Variants in ANO5 observed in about 807,000 individuals in gnomAD.
The protein encoded by ANO5 is anoctamin-5.
In ANO5, 109 loss-of-function variants were observed where a neutral mutation model predicts 121.0. That is an observed-to-expected ratio of 0.90 (90% CI 0.77 to 1.06). ANO5 has a LOEUF of 1.06. Among genes scored for constraint, ANO5 ranks in the 50% least tolerant of loss-of-function variants. The pLI is 0.00. For missense variants in ANO5, 1,064 were observed against 1,078.5 expected, an observed-to-expected ratio of 0.99 and a Z score of 0.19; for synonymous variants, 406 against 359.9, an observed-to-expected ratio of 1.13 and a Z score of -1.45.
intron 7 of ANO5, among the ~76,000 whole-genome samples, chr11:22,229,128 C>T (rs376187879): frequency 2.0e-5 from 3 of 151,914 alleles, no homozygotes; most frequent in East Asian, 3.9e-4. Flanking sequence ...TCTCCACCTT[C>T]TCTCCATGTC....
chr11:22,273,694 A>G (rs1419876568), intron 19 of ANO5, among the ~76,000 whole-genome samples: 3 of 152,168 alleles, frequency 2.0e-5, no homozygotes, highest in African/African-American at 7.2e-5. Context: ...GTAATCAGAA[A>G]TAATCAAATT....
intron 13 of ANO5, among the ~76,000 whole-genome samples, chr11:22,257,259 T>C (rs1854033342): frequency 6.6e-6 from 1 of 152,176 alleles, no homozygotes; most frequent in African/African-American, 2.4e-5. Context: ...ACAGTTTATC[T>C]GAAAAATATA....
intron 2 of ANO5, among the ~76,000 whole-genome samples, chr11:22,208,047 C>A (rs1284838311): frequency 6.6e-6 from 1 of 151,932 alleles, no homozygotes; most frequent in Non-Finnish European, 1.5e-5. Context: ...AGTTAGGATG[C>A]AGAGAAACTA....
chr11:22,264,785 A>T (rs1374772525), intron 17 of ANO5, among the ~76,000 whole-genome samples: 1 of 152,210 alleles, frequency 6.6e-6, no homozygotes. Context: ...GCAATTACAC[A>T]TAAGTGAAAA....
In ANO5 at chr11:22,211,248, C is replaced by A. The variant is rs745357713; in HGVS notation, c.88-16C>A. ...ACTATTAATAATAGCATTATATCTT[C>A]CCCTGGTACTGTTAGCAGAGCCTGA... On this transcript the variant is annotated splice_polypyrimidine_tract_variant and intron_variant, in intron 2 of 21. Transcript: ENST00000324559. 5 of 1,611,244 alleles carry A rather than the reference C, an allele frequency of 3.1e-6. No homozygotes were observed. Among genetic ancestry groups the A allele is most frequent in the Non-Finnish European group, 3.4e-6 (4 of 1,178,028 alleles).
At chr11:22,277,263 T>C (rs1314126281) in intron 21 of ANO5, among the ~76,000 whole-genome samples, 2 of 151,668 alleles carry the variant, frequency 1.3e-5, no homozygotes, top group African/African-American at 4.8e-5. Context: ...ATTTTTTTGG[T>C]CTCATTCTGA....
intron 17 of ANO5, among the ~76,000 whole-genome samples, chr11:22,266,999 G>T (rs1370222851): frequency 1.3e-5 from 2 of 152,140 alleles, no homozygotes; most frequent in African/African-American, 4.8e-5. Context: ...TAATGTGGTA[G>T]AATTTATCAA....
chr11:22,221,585 A>G (rs1218923724), intron 5 of ANO5, among the ~76,000 whole-genome samples: 1 of 151,872 alleles, frequency 6.6e-6, no homozygotes, highest in Non-Finnish European at 1.5e-5. Flanking sequence ...TATAGCTTTT[A>G]TATTGTACTC....
At chr11:22,205,255 T>C (rs189472193) in intron 2 of ANO5, among the ~76,000 whole-genome samples, 1 of 152,126 alleles carries the variant, frequency 6.6e-6, no homozygotes, top group East Asian at 1.9e-4. Context: ...GTATTAGGCT[T>C]AATACCTGGA....
In ANO5 at chr11:22,259,372, GGAAA is replaced by G. The variant is rs1854110389; in HGVS notation, c.1408-144_1408-141del. The G allele has an allele frequency of 1.1e-5, 9 of 809,056 alleles. No individual in the cohort carries two copies. In the East Asian group the frequency reaches 2.1e-4, roughly 19 times the overall value. The allele number at this position is 809,056 out of a possible 1,614,324, so 50.1% of individuals were successfully genotyped here. Reference sequence around the variant, plus strand: ...CCAGTGTTCATGTCTTGCCATCTAGGGAAAGAGAGACTGACTTAGTTTGCTTTGC... The same window carrying G: ...CCAGTGTTCATGTCTTGCCATCTAGGGAGAGACTGACTTAGTTTGCTTTGC... On this transcript the variant is annotated intron_variant, in intron 14 of 21. Coordinates refer to ENST00000324559, the MANE Select transcript of ANO5 (RefSeq NM_213599.3).
chr11:22,260,518 T>G (rs12574432), intron 15 of ANO5, among the ~76,000 whole-genome samples: 1 of 152,208 alleles, frequency 6.6e-6, no homozygotes, highest in African/African-American at 2.4e-5. Flanking sequence ...CATTATATAC[T>G]ATCTTCAAAT....
intron 7 of ANO5, among the ~76,000 whole-genome samples, chr11:22,233,990 C>T (rs1029606295): frequency 6.6e-6 from 1 of 152,022 alleles, no homozygotes; most frequent in African/African-American, 2.4e-5. Context: ...CTGGCAAAGC[C>T]GTATTTCATC....
intron 7 of ANO5, among the ~76,000 whole-genome samples, chr11:22,234,909 T>G (rs552035306): frequency 3.6e-4 from 55 of 152,176 alleles, no homozygotes; most frequent in Admixed American, 2.4e-3. Context: ...CTCTTCTCCC[T>G]ATAGGAACCT....
At chr11:22,221,574 G>T (rs532853559) in intron 5 of ANO5, among the ~76,000 whole-genome samples, 1 of 151,928 alleles carries the variant, frequency 6.6e-6, no homozygotes, top group South Asian at 2.1e-4. Flanking sequence ...ATTGCTCCAG[G>T]TATAGCTTTT....
At chr11:22,259,239 T>G (rs999977285) in intron 14 of ANO5, among the ~76,000 whole-genome samples, 10 of 152,232 alleles carry the variant, frequency 6.6e-5, no homozygotes, top group Admixed American at 1.3e-4. Context: ...TACTATAGTT[T>G]GCCACTCCCT....
Position 22,276,079 on chromosome 11 carries a change from A to G in ANO5, c.2415-15A>G, listed in dbSNP as rs780481399. On this transcript the variant is annotated splice_polypyrimidine_tract_variant and intron_variant, in intron 20 of 21. Coordinates refer to ENST00000324559, the MANE Select transcript of ANO5 (RefSeq NM_213599.3). ...ATTATTATTTTTTTTTTTTGCATTT[A>G]CTTCCACTTTTCAGGTACAGAGATT... The G allele has an allele frequency of 2.0e-6, 3 of 1,526,530 alleles. No homozygotes were observed. The Admixed American group carries it at 5.2e-5, about 26-fold the overall frequency. 94.6% of individuals were successfully genotyped at this position (1,526,530 alleles called of 1,614,324 possible). A position where few individuals can be genotyped will look rare whatever the true frequency, so the allele number is the denominator to read the frequency against.
At chr11:22,233,795 GT>G (rs1400738792) in intron 7 of ANO5, among the ~76,000 whole-genome samples, 3 of 139,386 alleles carry the variant, frequency 2.2e-5, no homozygotes, top group African/African-American at 7.3e-5. Context: ...TCAAAACACT[GT>G]CATAATAAGC....
At chr11:22,251,210 C>G (rs931076771) in intron 12 of ANO5, among the ~76,000 whole-genome samples, 199 bp downstream of exon 12, 43 of 152,158 alleles carry the variant, frequency 2.8e-4, no homozygotes, top group Non-Finnish European at 2.8e-4. Context: ...TGTTAAACAT[C>G]AGCTCATTTC....
At chr11:22,208,630 A>G (rs1471288189) in intron 2 of ANO5, among the ~76,000 whole-genome samples, 2 of 151,990 alleles carry the variant, frequency 1.3e-5, no homozygotes, top group Non-Finnish European at 1.5e-5. Flanking sequence ...AATTGTACAC[A>G]CGTGACAAAA....
Sources: allele counts gnomAD v4.1 joint callset (sites outside exome capture counted in the v4.1 genomes callset), GRCh38; gene constraint gnomAD v4.1.1; transcripts MANE v1.5; gene names NCBI Gene and HGNC (gene_info 2026-07-23, HGNC 2026-07-21).